Variants in MBTPS1 observed in about 807,000 individuals in gnomAD.
The protein encoded by MBTPS1 is membrane bound transcription factor peptidase, site 1.
Under a neutral mutation model 127.8 loss-of-function variants are expected in MBTPS1, and 94 were observed. The observed-to-expected ratio is 0.74, with a 90% CI of 0.62 to 0.87. The LOEUF is 0.87. Ranked by LOEUF, MBTPS1 falls within the 40% of genes least tolerant of loss-of-function variation. MBTPS1 has a pLI of 0.00. For synonymous variants in MBTPS1, 632 were observed against 509.4 expected (o/e 1.24, Z -3.24); for missense variants, 1,636 against 1,353.2 (o/e 1.21, Z -3.28).
intron 12 of MBTPS1, among the ~76,000 whole-genome samples, chr16:84,072,905 A>T (rs2151149902): frequency 6.6e-6 from 1 of 152,376 alleles, no homozygotes; most frequent in East Asian, 1.9e-4. Context: ...AGGATGTGCC[A>T]AGAGCCATCC....
At chr16:84,079,765 T>A (rs911795666) in intron 11 of MBTPS1, among the ~76,000 whole-genome samples, 1 of 152,230 alleles carries the variant, frequency 6.6e-6, no homozygotes, top group Non-Finnish European at 1.5e-5. Context: ...GAATGAACAC[T>A]GAGATACTGG....
chr16:84,086,838 A>C (rs1016651578), intron 9 of MBTPS1, among the ~76,000 whole-genome samples: 6 of 152,242 alleles, frequency 3.9e-5, no homozygotes, highest in African/African-American at 1.4e-4. Flanking sequence ...AATGTGCTGC[A>C]TAATTAAACC....
Position 84,054,206 on chromosome 16 carries a change from C to T in MBTPS1, c.*243G>A, listed in dbSNP as rs1358145515. 1.4e-5 allele frequency: 5 copies of T among 353,146 alleles called. No individual in the cohort carries two copies. The highest frequency in any genetic ancestry group is 9.4e-5 in the Admixed American group (2 of 21,290). The allele number at this position is 353,146 out of a possible 1,614,324, so 21.9% of individuals were successfully genotyped here. A position where few individuals can be genotyped will look rare whatever the true frequency, so the allele number is the denominator to read the frequency against. On this transcript the variant is annotated 3_prime_UTR_variant, in exon 23 of 23. Transcript: ENST00000343411. ...CCGAGTCTTTGGTGCGCACAGCTGC[C>T]GGCGGGAAGTCTCACTGGCGGCAGA...
rs143938155 is a variant in MBTPS1, at chr16:84,062,559, C to G, written c.2572+746G>C. Among the ~76,000 whole-genome samples the G allele has an allele frequency of 2.9e-4, 44 of 152,336 alleles. No homozygotes were observed. The East Asian group carries it at 7.9e-3, about 27-fold the overall frequency. ...TTAGTGCCTCATTCTTGTCACTCAC[C>G]ACCCGCCCTGTGCCTCGAGTTCCCC... On this transcript the variant is annotated intron_variant, in intron 19 of 22. Transcript: ENST00000343411.
intron 18 of MBTPS1, among the ~76,000 whole-genome samples, chr16:84,065,190 T>G (rs1389448645): frequency 6.0e-5 from 9 of 150,790 alleles, no homozygotes; most frequent in African/African-American, 2.0e-4. Flanking sequence ...TGATCTTGGG[T>G]AACTGCAACC....
At chr16:84,099,502 G>C (rs1224460688) in intron 2 of MBTPS1, among the ~76,000 whole-genome samples, 192 bp from the exon 3 acceptor site, 2 of 152,068 alleles carry the variant, frequency 1.3e-5, no homozygotes, top group African/African-American at 4.8e-5. Context: ...TGATCTATAT[G>C]GGGCTGGGCG....
Position 84,114,212 on chromosome 16 carries a change from CG to C in MBTPS1, c.-325+2522del, listed in dbSNP as rs567086805. On this transcript the variant is annotated intron_variant, in intron 1 of 22. Coordinates refer to ENST00000343411, the MANE Select transcript of MBTPS1 (RefSeq NM_003791.4). ...TCCTGACCTCGTGATCTGCCCGCCT[CG>C]GCCTCCCAAAGTGCTGGGATTACAG... 2.6e-5 allele frequency among the ~76,000 whole-genome samples: 4 copies of C among 152,210 alleles called. No individual in the cohort carries two copies. In the South Asian group the frequency reaches 8.3e-4, roughly 32 times the overall value.
At chr16:84,080,544 G>T (rs770368040) in intron 11 of MBTPS1, among the ~76,000 whole-genome samples, 1 of 152,242 alleles carries the variant, frequency 6.6e-6, no homozygotes. Context: ...ACTGCTGGCT[G>T]ACACCCGCAG....
At chr16:84,077,781 T>TA (rs1437682331) in intron 11 of MBTPS1, among the ~76,000 whole-genome samples, 1 of 152,120 alleles carries the variant, frequency 6.6e-6, no homozygotes, top group Non-Finnish European at 1.5e-5. Flanking sequence ...AAAAACACCT[T>TA]ACACTAAGTC....
intron 8 of MBTPS1, among the ~76,000 whole-genome samples, chr16:84,089,938 T>C (rs928897301): frequency 3.9e-5 from 6 of 152,332 alleles, no homozygotes; most frequent in Non-Finnish European, 8.8e-5. Context: ...GGCAGAGCTA[T>C]AGCGAGGGTA....
chr16:84,055,084 C>T (rs544301721), intron 22 of MBTPS1, among the ~76,000 whole-genome samples: 4 of 152,162 alleles, frequency 2.6e-5, no homozygotes, highest in Non-Finnish European at 5.9e-5. Flanking sequence ...GAAGAAGCAC[C>T]GCTGGCAGTG....
At position 84,102,010 on chromosome 16, in the gene MBTPS1, C is replaced by T. The variant is rs2086264083; in HGVS notation, c.-227G>A. 1 of 511,360 alleles carries T rather than the reference C, an allele frequency of 2.0e-6. No homozygotes were observed. The highest frequency in any genetic ancestry group is 3.5e-6 in the Non-Finnish European group (1 of 285,522). 31.7% of individuals were successfully genotyped at this position (511,360 alleles called of 1,614,324 possible). The stretch of plus-strand genomic sequence containing the variant: ...CTTCTTCTCCATCTTGGAAATAAGG[C>T]TTCTCTCACTCAGGCCGTGACGACT... On this transcript the variant is annotated 5_prime_UTR_variant, in exon 2 of 23. Transcript: ENST00000343411.
intron 12 of MBTPS1, among the ~76,000 whole-genome samples, chr16:84,074,096 C>A (rs905734912): frequency 6.6e-6 from 1 of 152,192 alleles, no homozygotes; most frequent in Non-Finnish European, 1.5e-5. Context: ...AATTAGCTGA[C>A]TCAGGAGCCA....
chr16:84,065,701 A>T lies in MBTPS1; in HGVS notation c.2420T>A (p.Phe807Tyr), dbSNP rs2151144527. 1 of 1,612,944 alleles carries T rather than the reference A, an allele frequency of 6.2e-7. No homozygotes were observed. Among genetic ancestry groups the T allele is most frequent in the East Asian group, 2.2e-5 (1 of 44,854 alleles). Residue 807 changes from phenylalanine (F) to tyrosine (Y), a missense_variant, in exon 18 of 23, where the codon TTC becomes TAC. Coordinates refer to ENST00000343411, the MANE Select transcript of MBTPS1 (RefSeq NM_003791.4). ...ATGGCATCCTTTACCTTGGTCCTTG[A>T]AAGTCTGTGTTATCACGACGCCATC... ...PEDGVVITQT[F>Y]KDQGLEVLKQ...
intron 1 of MBTPS1, among the ~76,000 whole-genome samples, chr16:84,110,083 G>C (rs954211225): frequency 6.6e-6 from 1 of 152,182 alleles, no homozygotes; most frequent in Non-Finnish European, 1.5e-5. Context: ...GGACGCATGA[G>C]GCTGGGCTAT....
intron 1 of MBTPS1, 143 bp downstream of exon 1, chr16:84,116,592 C>G (rs1180250925): frequency 6.6e-6 from 1 of 152,222 alleles, no homozygotes; most frequent in African/African-American, 2.4e-5. Context: ...GCGCCGGAGG[C>G]CCCGCGCCCA....
intron 7 of MBTPS1, 114 bp downstream of exon 7, chr16:84,091,618 C>T (rs2086108163): frequency 1.5e-5 from 11 of 716,608 alleles, no homozygotes; most frequent in Non-Finnish European, 2.8e-5. Context: ...TCTGTTCTCA[C>T]AAAGCTGTCA....
At chr16:84,066,694 T>A in intron 16 of MBTPS1, 81 bp from the exon 17 acceptor site, 1 of 1,344,102 alleles carries the variant, frequency 7.4e-7, no homozygotes. Context: ...GTGACAAAAC[T>A]CAATTTCTCC....
Position 84,065,767 on chromosome 16 carries a change from A to G in MBTPS1, c.2354T>C (p.Met785Thr), listed in dbSNP as rs746956530. 1.9e-6 allele frequency: 3 copies of G among 1,586,628 alleles called. No homozygotes were observed. Among genetic ancestry groups the G allele is most frequent in the Non-Finnish European group, 2.6e-6 (3 of 1,168,856 alleles). Residue 785 changes from methionine to threonine, a missense_variant and splice_region_variant, in exon 18 of 23, where the codon ATG becomes ACG. Physicochemically the swap from Met to Thr is moderately conservative, Grantham distance 81 (BLOSUM62 -1). Transcript: ENST00000343411. ...GATGCTGCACCCTGACGCATAATAC[A>G]CTAGGAAAGAGTGTTCAAAGTCAAG... ...EGEFTLANHDMYYASGCSIAK... is the reference protein window; with the variant it reads ...EGEFTLANHDTYYASGCSIAK...
Sources: allele counts gnomAD v4.1 joint callset (sites outside exome capture counted in the v4.1 genomes callset), GRCh38; gene constraint gnomAD v4.1.1; transcripts MANE v1.5; gene names NCBI Gene and HGNC (gene_info 2026-07-23, HGNC 2026-07-21).